The following NYAP1 variants were observed in gnomAD, a reference collection of about 807,000 sequenced individuals.
The protein encoded by NYAP1 is neuronal tyrosine phosphorylated phosphoinositide-3-kinase adaptor 1.
A neutral mutation model predicts 58.6 loss-of-function variants in NYAP1; 20 were observed. That is an observed-to-expected ratio of 0.34 (90% confidence interval 0.24 to 0.50). The LOEUF is 0.50. Ranked by LOEUF, NYAP1 falls within the 20% of genes least tolerant of loss-of-function variation. The pLI, the probability that NYAP1 is intolerant of heterozygous loss-of-function variation, is 0.98. For synonymous variants in NYAP1, 572 were observed against 523.1 expected, an observed-to-expected ratio of 1.09 and a Z score of -1.27; for missense variants, 1,150 against 1,194.5, an observed-to-expected ratio of 0.96 and a Z score of 0.55.
rs1332649039 is a variant in NYAP1, at chr7:100,494,092, C to T, written c.*189C>T. On this transcript the variant is annotated 3_prime_UTR_variant, in exon 7 of 7. Coordinates refer to ENST00000300179, the MANE Select transcript of NYAP1 (RefSeq NM_173564.4). ...CCCATTGGGCTTAGGATGCCAACAG[C>T]GCTGCTGAGAAACGGAGGAGGAGGA... is the stretch of plus-strand genomic sequence containing the variant. 5 of 530,612 alleles carry T rather than the reference C, an allele frequency of 9.4e-6. No homozygotes were observed. The highest frequency in any genetic ancestry group is 6.1e-5 in the African/African-American group (3 of 49,574). 32.9% of individuals were successfully genotyped at this position (530,612 alleles called of 1,614,324 possible).
chr7:100,490,970 CCTT>C lies in NYAP1; in HGVS notation c.2159-11_2159-9del. On this transcript the variant is annotated splice_polypyrimidine_tract_variant and intron_variant, in intron 5 of 6. Transcript: ENST00000300179. This position sits in a 1 kb window ranked among gnomAD's most constrained non-coding sequence, Gnocchi z 4.6. The stretch of plus-strand genomic sequence containing the variant: ...TGAGGCCCCTGCACTCCTCACTCCT[CCTT>C]CTTCCACCTCAGACTTCACGGGAGG... 4.0e-6 allele frequency: 6 copies of C among 1,514,286 alleles called. No homozygotes were observed. The highest frequency in any genetic ancestry group is 5.4e-6 in the Non-Finnish European group (6 of 1,114,648). 93.8% of individuals were successfully genotyped at this position (1,514,286 alleles called of 1,614,324 possible). A position where few individuals can be genotyped will look rare whatever the true frequency, so the allele number is the denominator to read the frequency against.
rs1161411419 is a variant in NYAP1 at position 100,493,762 on chromosome 7, G to A, written c.2385G>A (p.Ala795=). Residue 795 remains alanine (A), a synonymous_variant, in exon 7 of 7, where the codon GCG becomes GCA. Transcript: ENST00000300179. Reference sequence around the variant, plus strand: ...GCTGCGTGTGCAAGGAGATCAAGGCGCGCCACCGCCCGGACCGAGGCCTCT... The same window carrying A: ...GCTGCGTGTGCAAGGAGATCAAGGCACGCCACCGCCCGGACCGAGGCCTCT... The part of the protein sequence containing the change: ...RKRCVCKEIK[A]RHRPDRGLCK... 6.2e-7 allele frequency: 1 copy of A among 1,605,770 alleles called. No homozygotes were observed. Among genetic ancestry groups the A allele is most frequent in the South Asian group, 1.1e-5 (1 of 90,560 alleles).
rs369094521 is a variant in NYAP1, at chr7:100,486,900, G to A, written c.148G>A (p.Ala50Thr). Residue 50 changes from alanine to threonine, a missense_variant, in exon 3 of 7, where the codon GCC (alanine) becomes ACC (threonine). Coordinates refer to ENST00000300179, the MANE Select transcript of NYAP1 (RefSeq NM_173564.4). This position sits in a 1 kb window ranked among gnomAD's most constrained non-coding sequence, Gnocchi z 6.2. The part of the protein sequence containing the change: ...QGPGVRVRDI[A>T]SLRRSLRMGF... ...GCCTGGGGTCCGCGTGCGGGACATC[G>A]CCTCGCTGCGGCGCTCCCTCAGGAT... The A allele has an allele frequency of 8.2e-6, 13 of 1,579,994 alleles. No homozygotes were observed. The African/African-American group carries it at 9.4e-5, about 11-fold the overall frequency.
At position 100,488,106 on chromosome 7, in the gene NYAP1, C is replaced by T. The variant is rs749045576; in HGVS notation, c.431-46C>T. The T allele has an allele frequency of 4.1e-5, 60 of 1,447,672 alleles. No individual in the cohort carries two copies. The highest frequency in any genetic ancestry group is 5.4e-5 in the Non-Finnish European group (58 of 1,070,812). 89.7% of individuals were successfully genotyped at this position (1,447,672 alleles called of 1,614,324 possible). A position where few individuals can be genotyped will look rare whatever the true frequency, so the allele number is the denominator to read the frequency against. ...AGAATGGGCTCCTCCCACTTGCTCC[C>T]CTCATTAAAAGCCTGGTTTATTTTT... On this transcript the variant is annotated intron_variant, in intron 3 of 6. Coordinates refer to ENST00000300179, the MANE Select transcript of NYAP1 (RefSeq NM_173564.4). This position sits in a 1 kb window ranked among gnomAD's most constrained non-coding sequence, Gnocchi z 5.9.
Position 100,489,007 on chromosome 7 carries a change from G to C in NYAP1, c.1286G>C (p.Ser429Thr). 1 of 1,575,074 alleles carries C rather than the reference G, an allele frequency of 6.3e-7. No individual in the cohort carries two copies. The highest frequency in any genetic ancestry group is 1.7e-4 in the Middle Eastern group (1 of 5,968). ...GAGCGGGAGCTCCCCAACTCCCACA[G>C]CATGATCTGCCCTAAGGCGGCGGGG... ...RGERELPNSH[S>T]MICPKAAGAP... is the part of the protein sequence containing the mutation. The change falls in exon 4 of 7, where the codon AGC (serine) becomes ACC (threonine). Residue 429 changes from serine (S) to threonine (T), a missense_variant. Transcript: ENST00000300179.
rs560346420 is a variant in NYAP1 at position 100,489,334 on chromosome 7, C to T, written c.1613C>T (p.Pro538Leu). Residue 538 changes from proline to leucine, a missense_variant, in exon 4 of 7, where the codon CCG becomes CTG. By Grantham distance (98) the Pro-to-Leu change is moderately conservative (BLOSUM62 -3). Transcript: ENST00000300179. ...TGCCTGGCCTCCCCCCACAGCCTTC[C>T]GGACCCAACTGTAGGCCCCCTGACC... ...RGCLASPHSLPDPTVGPLTPL... is the reference protein window; with the variant it reads ...RGCLASPHSLLDPTVGPLTPL... 20 of 1,609,446 alleles carry T rather than the reference C, an allele frequency of 1.2e-5. No individual in the cohort carries two copies. The highest frequency in any genetic ancestry group is 1.7e-4 in the Middle Eastern group (1 of 5,840).
Position 100,485,428 on chromosome 7 carries a change from C to A in NYAP1, c.68+49C>A. ...CCCTTCCCTTCCGCACCTCTGCCTG[C>A]CCCCTCACTGGGCCACAGCCCTTCT... On this transcript the variant is annotated intron_variant, in intron 2 of 6. Transcript: ENST00000300179. The surrounding 1 kb of genome is among the most constrained non-coding windows in gnomAD (Gnocchi z 5.7). The A allele has an allele frequency of 7.0e-7, 1 of 1,429,950 alleles. No individual in the cohort carries two copies. Among genetic ancestry groups the A allele is most frequent in the Non-Finnish European group, 9.7e-7 (1 of 1,035,584 alleles). 88.6% of individuals were successfully genotyped at this position (1,429,950 alleles called of 1,614,324 possible). A position where few individuals can be genotyped will look rare whatever the true frequency, so the allele number is the denominator to read the frequency against.
chr7:100,493,539 A>G, intron 6 of NYAP1, 107 bp from the exon 7 acceptor site: 1 of 986,344 alleles, frequency 1.0e-6, no homozygotes, highest in South Asian at 1.7e-5. Context: ...GCAAGCAAGG[A>G]CTTGCTTCTG....
At position 100,486,309 on chromosome 7, in the gene NYAP1, A is replaced by G. The variant is rs536228686; in HGVS notation, c.69-512A>G. The stretch of plus-strand genomic sequence containing the variant: ...CAGCACCAGGGGAGAGGGAGGAAGA[A>G]GGATGGGCCAGGGAGGGAGGCTGCT... On this transcript the variant is annotated intron_variant, in intron 2 of 6. Transcript: ENST00000300179. The surrounding 1 kb of genome is among the most constrained non-coding windows in gnomAD (Gnocchi z 6.2). 2.4e-4 allele frequency among the ~76,000 whole-genome samples: 37 copies of G among 152,164 alleles called. No homozygotes were observed. Among genetic ancestry groups the G allele is most frequent in the African/African-American group, 8.2e-4 (34 of 41,522 alleles).
At chr7:100,484,385 G>A (rs1381676019) in intron 1 of NYAP1, among the ~76,000 whole-genome samples, 1 of 152,104 alleles carries the variant, frequency 6.6e-6, no homozygotes, top group African/African-American at 2.4e-5. Flanking sequence ...GAAAACCAGG[G>A]GGCCTCCCAA....
Position 100,485,826 on chromosome 7 carries a change from A to G in NYAP1, c.68+447A>G, listed in dbSNP as rs991090430. On this transcript the variant is annotated intron_variant, in intron 2 of 6. Coordinates refer to ENST00000300179, the MANE Select transcript of NYAP1 (RefSeq NM_173564.4). The surrounding 1 kb of genome is among the most constrained non-coding windows in gnomAD (Gnocchi z 5.7). ...GCTGGGGGAGGTGAGTGGTCAAGTG[A>G]TGGGGTTGTGTGTGTGGTGGGCAGA... 6.6e-6 allele frequency among the ~76,000 whole-genome samples: 1 copy of G among 151,992 alleles called. No homozygotes were observed. The highest frequency in any genetic ancestry group is 1.5e-5 in the Non-Finnish European group (1 of 67,978).
At position 100,489,317 on chromosome 7, in the gene NYAP1, C is replaced by T. The variant is rs1346156753; in HGVS notation, c.1596C>T (p.Ala532=). 1.2e-6 allele frequency: 2 copies of T among 1,604,326 alleles called. No homozygotes were observed. Among genetic ancestry groups the T allele is most frequent in the East Asian group, 2.3e-5 (1 of 44,404 alleles). ...TCCTCCACCACCGCGGCTGCCTGGC[C>T]TCCCCCCACAGCCTTCCGGACCCAA... ...AGVLHHRGCL[A]SPHSLPDPTV... Residue 532 remains alanine, a synonymous_variant, in exon 4 of 7, where the codon GCC becomes GCT. Transcript: ENST00000300179.
Position 100,490,404 on chromosome 7 carries a change from G to A in NYAP1, c.1946-113G>A. 2 of 983,670 alleles carry A rather than the reference G, an allele frequency of 2.0e-6. No individual in the cohort carries two copies. The highest frequency in any genetic ancestry group is 3.1e-6 in the Non-Finnish European group (2 of 636,718). The allele number at this position is 983,670 out of a possible 1,614,324, so 60.9% of individuals were successfully genotyped here. A position where few individuals can be genotyped will look rare whatever the true frequency, so the allele number is the denominator to read the frequency against. ...AGGAGCCCCATCCCAGCCGTTACTT[G>A]CAAAAGGGGCAATTGTGTCTCCTGG... On this transcript the variant is annotated intron_variant, in intron 4 of 6. Transcript: ENST00000300179. This position sits in a 1 kb window ranked among gnomAD's most constrained non-coding sequence, Gnocchi z 4.6.
chr7:100,494,178 A>G lies in NYAP1; in HGVS notation c.*275A>G, dbSNP rs1282732422. The G allele has an allele frequency of 1.3e-5, 5 of 395,038 alleles. No individual in the cohort carries two copies. Among genetic ancestry groups the G allele is most frequent in the Non-Finnish European group, 2.2e-5 (5 of 222,578 alleles). The allele number at this position is 395,038 out of a possible 1,614,324, so 24.5% of individuals were successfully genotyped here. A position where few individuals can be genotyped will look rare whatever the true frequency, so the allele number is the denominator to read the frequency against. On this transcript the variant is annotated 3_prime_UTR_variant, in exon 7 of 7. Transcript: ENST00000300179. ...CTGTTCTTCCCGCTGGGCGTTGTAC[A>G]CCCCTCCTCCTGAACCAAGCCAGAG...
At position 100,484,882 on chromosome 7, in the gene NYAP1, C is replaced by T. The variant is rs1157567188; in HGVS notation, c.-84-346C>T. Among the ~76,000 whole-genome samples the T allele has an allele frequency of 3.3e-5, 5 of 151,916 alleles. No homozygotes were observed. In the East Asian group the frequency reaches 7.7e-4, roughly 23 times the overall value. ...TGGTCCTCTGTCTGTAGATGTGGGT[C>T]GGTGGCTCCGTGGTTTGTGTGTCTG... On this transcript the variant is annotated intron_variant, in intron 1 of 6. Transcript: ENST00000300179.
rs745728379 is a variant in NYAP1, at chr7:100,493,834, C to T, written c.2457C>T (p.Pro819=). 1.9e-6 allele frequency: 3 copies of T among 1,571,602 alleles called. No individual in the cohort carries two copies. The highest frequency in any genetic ancestry group is 2.6e-6 in the Non-Finnish European group (3 of 1,163,360). The change falls in exon 7 of 7, where the codon CCC becomes CCT. Residue 819 remains proline (P), a synonymous_variant. Transcript: ENST00000300179. Reference sequence around the variant, plus strand: ...TCCTCCCCAGCTGGCGGCGGGGACCCGAGCCCCGCAAGTCCGGCACCCCGC... The same window carrying T: ...TCCTCCCCAGCTGGCGGCGGGGACCTGAGCCCCGCAAGTCCGGCACCCCGC... ...MPILPSWRRG[P]EPRKSGTPPC... is the part of the protein sequence containing the mutation.
Position 100,489,030 on chromosome 7 carries a change from G to A in NYAP1, c.1309G>A (p.Gly437Arg), listed in dbSNP as rs748115906. Residue 437 changes from glycine to arginine, a missense_variant, in exon 4 of 7, where the codon GGG becomes AGG. Coordinates refer to ENST00000300179, the MANE Select transcript of NYAP1 (RefSeq NM_173564.4). Reference protein sequence around the residue: ...SHSMICPKAAGAPAAPPAPAA... With the variant: ...SHSMICPKAARAPAAPPAPAA... The stretch of plus-strand genomic sequence containing the variant: ...CAGCATGATCTGCCCTAAGGCGGCG[G>A]GGGCGCCGGCAGCCCCCCCTGCCCC... 5 of 1,549,318 alleles carry A rather than the reference G, an allele frequency of 3.2e-6. No individual in the cohort carries two copies. Among genetic ancestry groups the A allele is most frequent in the Admixed American group, 3.9e-5 (2 of 50,874 alleles).
Position 100,494,602 on chromosome 7 carries a change from G to A in NYAP1, c.*699G>A, listed in dbSNP as rs76353294. Reference sequence around the variant, plus strand: ...AGTCAGTGTGGCCTGCTCTGAATCAGGCATCTTATTTAGTTCTGGGGTGAG... The same window carrying A: ...AGTCAGTGTGGCCTGCTCTGAATCAAGCATCTTATTTAGTTCTGGGGTGAG... On this transcript the variant is annotated 3_prime_UTR_variant, in exon 7 of 7. Transcript: ENST00000300179. 0.018 allele frequency: 2,592 copies of A among 142,000 alleles called. 35 individuals are homozygous for A. The highest frequency in any genetic ancestry group is 0.026 in the Non-Finnish European group (1,683 of 65,932). The allele number at this position is 142,000 out of a possible 1,614,324, so 8.8% of individuals were successfully genotyped here.
intron 6 of NYAP1, among the ~76,000 whole-genome samples, chr7:100,493,217 TGTA>T (rs1403439870): frequency 6.6e-6 from 1 of 152,108 alleles, no homozygotes; most frequent in Non-Finnish European, 1.5e-5. Flanking sequence ...AATTAGCTGG[TGTA>T]GTGGTAAATG....
Sources: gnomAD v4.1 joint callset for allele counts (sites outside exome capture counted in the v4.1 genomes callset) on GRCh38, gnomAD v4.1.1 for gene constraint, Gnocchi (gnomAD v3.1) non-coding constraint, MANE v1.5 for transcripts, NCBI Gene and HGNC (gene_info 2026-07-23, HGNC 2026-07-21) for gene names.